Variants in STKLD1 observed in about 807,000 individuals in gnomAD.
The protein encoded by STKLD1 is serine/threonine kinase like domain containing 1, also known as serine/threonine kinase-like domain-containing protein STKLD1.
STKLD1 carries 79 observed loss-of-function variants against 80.4 expected under a neutral mutation model. The ratio of observed to expected loss-of-function variants is 0.98; its 90% confidence interval spans 0.82 to 1.19. STKLD1 has a LOEUF of 1.19. Among genes scored for constraint, STKLD1 ranks in the 50% most tolerant of loss-of-function variants. STKLD1 has a pLI of 0.00. For missense variants in STKLD1, 841 were observed against 856.0 expected (o/e 0.98, Z 0.22); for synonymous variants, 393 against 357.6 (o/e 1.10, Z -1.12).
chr9:133,388,991 TC>T, intron 5 of STKLD1: 1 of 985,202 alleles, frequency 1.0e-6, no homozygotes, highest in Non-Finnish European at 1.2e-6. Context: ...CCTCAGCCCC[TC>T]TCTGACACCC....
At position 133,403,946 on chromosome 9, in the gene STKLD1, C is replaced by A; in HGVS notation, c.1630C>A (p.Gln544Lys). The A allele has an allele frequency of 6.2e-7, 1 of 1,608,804 alleles. No individual in the cohort carries two copies. The highest frequency in any genetic ancestry group is 8.5e-7 in the Non-Finnish European group (1 of 1,177,270). Residue 544 changes from glutamine to lysine, a missense_variant, in exon 16 of 18, where the codon CAA becomes AAA. Coordinates refer to ENST00000371957, the MANE Select transcript of STKLD1 (RefSeq NM_153710.5). ...CTGCATCAAGGAGCAGCAGTTTGAACAAGTGGTGGCGCTGCTCCTGCAAAG... is the reference window on the plus strand; with the variant it reads ...CTGCATCAAGGAGCAGCAGTTTGAAAAAGTGGTGGCGCTGCTCCTGCAAAG... ...LGCIKEQQFE[Q>K]VVALLLQSIR... is the part of the protein sequence containing the mutation.
rs2130287074 is a variant in STKLD1, at chr9:133,390,700, A to C, written c.487A>C (p.Ile163Leu). The change falls in exon 7 of 18, where the codon ATC becomes CTC. Residue 163 changes from isoleucine (I) to leucine (L), a missense_variant. By Grantham distance (5) the Ile-to-Leu change is conservative (BLOSUM62 2). Coordinates refer to ENST00000371957, the MANE Select transcript of STKLD1 (RefSeq NM_153710.5). This position sits in a 1 kb window ranked among gnomAD's most constrained non-coding sequence, Gnocchi z 5.1. ...IIHRNLKPSN[I>L]ILISSDHCKL... Reference sequence around the variant, plus strand: ...TTTCAGGAATCTCAAACCCTCCAACATCATCCTCATCAGCAGTGACCACTG... The same window carrying C: ...TTTCAGGAATCTCAAACCCTCCAACCTCATCCTCATCAGCAGTGACCACTG... 2 of 1,613,764 alleles carry C rather than the reference A, an allele frequency of 1.2e-6. No individual in the cohort carries two copies. The highest frequency in any genetic ancestry group is 1.3e-5 in the African/African-American group (1 of 75,054).
At chr9:133,388,278 T>C (rs139470297) in intron 5 of STKLD1, among the ~76,000 whole-genome samples, 1,862 of 152,278 alleles carry the variant, frequency 0.012, 28 homozygotes, top group African/African-American at 0.035. Context: ...AGATGGAGTC[T>C]CACTCTGTCG....
intron 10 of STKLD1, among the ~76,000 whole-genome samples, chr9:133,397,721 ATGAGCAGAAG>A (rs955857837): frequency 1.3e-5 from 2 of 152,164 alleles, no homozygotes; most frequent in African/African-American, 4.8e-5. Context: ...TGTGCCCAGG[ATGAGCAGAAG>A]TGCGCTCCAT....
Position 133,378,624 on chromosome 9 carries a change from G to T in STKLD1, c.88-412G>T, listed in dbSNP as rs2130258143. Among the ~76,000 whole-genome samples the T allele has an allele frequency of 2.2e-4, 33 of 152,368 alleles. 1 individual carries two copies. Among genetic ancestry groups the T allele is most frequent in the African/African-American group, 7.0e-4 (29 of 41,592 alleles). On this transcript the variant is annotated intron_variant, in intron 1 of 17. Transcript: ENST00000371957. ...TTGGCACCATGCCAGGCACACAATG[G>T]CTTCCTGATTGTACCAGTCACAAGA...
intron 2 of STKLD1, among the ~76,000 whole-genome samples, chr9:133,379,516 A>G (rs1838083301): frequency 6.6e-6 from 1 of 152,190 alleles, no homozygotes; most frequent in African/African-American, 2.4e-5. Flanking sequence ...AATTCAGGCC[A>G]CCTCACTGGG....
At position 133,390,951 on chromosome 9, in the gene STKLD1, C is replaced by A. The variant is rs927579081; in HGVS notation, c.583+155C>A. Among the ~76,000 whole-genome samples, 1 of 152,046 alleles carries A rather than the reference C, an allele frequency of 6.6e-6. No individual in the cohort carries two copies. The highest frequency in any genetic ancestry group is 1.5e-5 in the Non-Finnish European group (1 of 68,008). ...TGGCCTTGTGTAAACTCCAAAGAGA[C>A]CTCCTTTGGGTTGCAACTGAGCAGG... On this transcript the variant is annotated intron_variant, in intron 7 of 17. Coordinates refer to ENST00000371957, the MANE Select transcript of STKLD1 (RefSeq NM_153710.5). This position sits in a 1 kb window ranked among gnomAD's most constrained non-coding sequence, Gnocchi z 5.1.
In STKLD1 at chr9:133,401,784, C is replaced by A. The variant is rs150926353; in HGVS notation, c.1245C>A (p.Ile415=). ...PEAKAPCNQA[I]TSTLLSALQS... is the part of the protein sequence containing the mutation. Reference sequence around the variant, plus strand: ...CCAAGGCTCCCTGCAACCAAGCCATCACCTCCACCCTGCTGAGTGCTCTTC... The same window carrying A: ...CCAAGGCTCCCTGCAACCAAGCCATAACCTCCACCCTGCTGAGTGCTCTTC... The change falls in exon 13 of 18, where the codon ATC becomes ATA. Residue 415 remains isoleucine (I), a synonymous_variant. Transcript: ENST00000371957. 2 of 1,613,628 alleles carry A rather than the reference C, an allele frequency of 1.2e-6. No individual in the cohort carries two copies. The highest frequency in any genetic ancestry group is 1.7e-6 in the Non-Finnish European group (2 of 1,180,006).
intron 9 of STKLD1, among the ~76,000 whole-genome samples, chr9:133,396,817 G>C (rs1554776786): frequency 6.6e-6 from 1 of 152,066 alleles, no homozygotes; most frequent in East Asian, 1.9e-4. Flanking sequence ...ATCCAGCCTG[G>C]GTCATATTCA....
Position 133,398,061 on chromosome 9 carries a change from C to T in STKLD1, c.1081+6C>T, listed in dbSNP as rs782306438. The T allele has an allele frequency of 5.6e-6, 9 of 1,612,488 alleles. No individual in the cohort carries two copies. Among genetic ancestry groups the T allele is most frequent in the Non-Finnish European group, 6.8e-6 (8 of 1,179,152 alleles). ...AATGCCTGCAGATCAGCTAGGTAGG[C>T]CCCACCCTGCACCCCTTTCCCAGCT... On this transcript the variant is annotated splice_donor_region_variant and intron_variant, in intron 11 of 17. Transcript: ENST00000371957.
intron 9 of STKLD1, 78 bp downstream of exon 9, chr9:133,395,841 A>G (rs1838547337): frequency 1.4e-6 from 2 of 1,469,746 alleles, no homozygotes; most frequent in African/African-American, 1.4e-5. Flanking sequence ...AAGCACAGCT[A>G]GTTGGCTTTG....
At chr9:133,401,091 A>T (rs587715652) in intron 12 of STKLD1, among the ~76,000 whole-genome samples, 1 of 152,188 alleles carries the variant, frequency 6.6e-6, no homozygotes, top group East Asian at 1.9e-4. Context: ...GGGTTGTTAA[A>T]AGAGTTGAAT....
Position 133,390,630 on chromosome 9 carries a change from T to TG in STKLD1, c.468-50dup. ...CCCACCTGGGGTTGTGGGTGGTGGC[T>TG]GCCCAGGTGGCCCCTTGGCATCCAG... On this transcript the variant is annotated intron_variant, in intron 6 of 17. Coordinates refer to ENST00000371957, the MANE Select transcript of STKLD1 (RefSeq NM_153710.5). The surrounding 1 kb of genome is among the most constrained non-coding windows in gnomAD (Gnocchi z 5.1). 7.0e-7 allele frequency: 1 copy of TG among 1,430,682 alleles called. No individual in the cohort carries two copies. 88.6% of individuals were successfully genotyped at this position (1,430,682 alleles called of 1,614,324 possible).
Position 133,405,672 on chromosome 9 carries a change from G to A in STKLD1, c.*251G>A, listed in dbSNP as rs866698611. 2.7e-5 allele frequency: 10 copies of A among 371,526 alleles called. No homozygotes were observed. The highest frequency in any genetic ancestry group is 1.7e-4 in the African/African-American group (8 of 47,390). 23.0% of individuals were successfully genotyped at this position (371,526 alleles called of 1,614,324 possible). A position where few individuals can be genotyped will look rare whatever the true frequency, so the allele number is the denominator to read the frequency against. On this transcript the variant is annotated 3_prime_UTR_variant, in exon 18 of 18. Coordinates refer to ENST00000371957, the MANE Select transcript of STKLD1 (RefSeq NM_153710.5). Reference sequence around the variant, plus strand: ...CCTTCCAGGAACTGGTTTCTTGCGCGGAAAAAGTGCTCTTGAGGCTGGAGG... The same window carrying A: ...CCTTCCAGGAACTGGTTTCTTGCGCAGAAAAAGTGCTCTTGAGGCTGGAGG...
chr9:133,391,775 C>A (rs1454937532), intron 7 of STKLD1, among the ~76,000 whole-genome samples: 2 of 151,592 alleles, frequency 1.3e-5, no homozygotes, highest in African/African-American at 4.9e-5. Flanking sequence ...TGCTGACCTT[C>A]CCTCTACTAT....
In STKLD1 at chr9:133,400,494, G is replaced by A. The variant is rs1554777437; in HGVS notation, c.1163G>A (p.Cys388Tyr). The A allele has an allele frequency of 1.2e-6, 2 of 1,613,406 alleles. No individual in the cohort carries two copies. Among genetic ancestry groups the A allele is most frequent in the Non-Finnish European group, 1.7e-6 (2 of 1,179,994 alleles). Residue 388 changes from cysteine to tyrosine, a missense_variant, in exon 12 of 18, where the codon TGT (cysteine) becomes TAT (tyrosine). Cys to Tyr is a radical substitution (Grantham distance 194). Coordinates refer to ENST00000371957, the MANE Select transcript of STKLD1 (RefSeq NM_153710.5). ...GACAGGGTCCTCGATGTCCAGCTGT[G>A]TGCCTGCTCCCTGCTGCTGCACCTC... ...LHDRVLDVQL[C>Y]ACSLLLHLLG...
chr9:133,376,586 C>T, intron 1 of STKLD1, 26 bp downstream of exon 1: 1 of 1,551,832 alleles, frequency 6.4e-7, no homozygotes, highest in Non-Finnish European at 8.7e-7. Flanking sequence ...TGCGGGGAGG[C>T]GGGAGCTCCG....
At chr9:133,381,822 G>A (rs2130267068) in intron 2 of STKLD1, among the ~76,000 whole-genome samples, 5 of 152,198 alleles carry the variant, frequency 3.3e-5, no homozygotes, top group African/African-American at 4.8e-5. Flanking sequence ...AGGACAGGAG[G>A]AAAGGAAGAC....
intron 14 of STKLD1, among the ~76,000 whole-genome samples, chr9:133,403,359 CCT>C (rs1345397612): frequency 4.6e-5 from 7 of 152,034 alleles, no homozygotes; most frequent in African/African-American, 9.7e-5. Flanking sequence ...TGCTGGATGC[CCT>C]GTTTGTTTTG....
Sources: gnomAD v4.1 joint callset for allele counts (sites outside exome capture counted in the v4.1 genomes callset) on GRCh38, gnomAD v4.1.1 for gene constraint, Gnocchi (gnomAD v3.1) non-coding constraint, MANE v1.5 for transcripts, NCBI Gene and HGNC (gene_info 2026-07-23, HGNC 2026-07-21) for gene names.